The following OR2C1 variants were observed in gnomAD, a reference collection of about 807,000 sequenced individuals.
OR2C1 encodes olfactory receptor family 2 subfamily C member 1.
For missense variants in OR2C1, 468 were observed against 388.3 expected (o/e 1.21, Z -1.73); for synonymous variants, 209 against 167.3 (o/e 1.25, Z -1.92).
chr16:3,333,627 G>T, the OR2C1 span, among the ~76,000 whole-genome samples: 1 of 152,158 alleles, frequency 6.6e-6, no homozygotes, highest in African/African-American at 2.4e-5. Context: ...GGGCCACTGT[G>T]CCCAGCCAAG....
At chr16:3,329,737 C>G in the OR2C1 span, among the ~76,000 whole-genome samples, 1 of 138,662 alleles carries the variant, frequency 7.2e-6, no homozygotes, top group African/African-American at 2.7e-5. Context: ...GCGTGAGCCA[C>G]GGCGCCCGGC....
chr16:3,334,912 G>C, the OR2C1 span, among the ~76,000 whole-genome samples: 2 of 151,484 alleles, frequency 1.3e-5, no homozygotes, highest in Non-Finnish European at 1.5e-5. Flanking sequence ...TCCGCCTCCC[G>C]AGTTCAAGTG....
At chr16:3,329,776 G>T in the OR2C1 span, among the ~76,000 whole-genome samples, 3 of 56,798 alleles carry the variant, frequency 5.3e-5, no homozygotes, top group African/African-American at 1.6e-4. Context: ...TTTTTTTGAG[G>T]TGGAGTCTCA....
chr16:3,328,983 A>C, the OR2C1 span, among the ~76,000 whole-genome samples: 19 of 97,268 alleles, frequency 2.0e-4, no homozygotes, highest in Non-Finnish European at 3.1e-4. Flanking sequence ...TGGGTGGACT[A>C]GGAAAATTAA....
At chr16:3,340,484 A>G in the OR2C1 span, among the ~76,000 whole-genome samples, 872 of 152,200 alleles carry the variant, frequency 5.7e-3, 7 homozygotes, top group African/African-American at 0.02. Context: ...CAATTTATGT[A>G]TTCTTTATTT....
the OR2C1 span, among the ~76,000 whole-genome samples, chr16:3,334,461 A>G: frequency 1.0e-4 from 15 of 150,256 alleles, no homozygotes; most frequent in South Asian, 3.2e-3. Flanking sequence ...AAGTTTTTGT[A>G]CAGACAGGGT....
At chr16:3,341,835 A>T in the OR2C1 span, among the ~76,000 whole-genome samples, 1 of 152,176 alleles carries the variant, frequency 6.6e-6, no homozygotes, top group Non-Finnish European at 1.5e-5. Context: ...TTAGCTCCGT[A>T]TTCAGCTCCT....
At chr16:3,335,896 G>A in the OR2C1 span, among the ~76,000 whole-genome samples, 2 of 152,004 alleles carry the variant, frequency 1.3e-5, no homozygotes, top group Admixed American at 1.3e-4. Flanking sequence ...TTCTAATTTG[G>A]AAGCCCTTTA....
Position 3,356,681 on chromosome 16 carries a change from G to T in OR2C1, c.741G>T (p.Val247=), listed in dbSNP as rs1465994061. 8.1e-6 allele frequency: 13 copies of T among 1,614,172 alleles called. No individual in the cohort carries two copies. Among genetic ancestry groups the T allele is most frequent in the South Asian group, 3.3e-5 (3 of 91,086 alleles). Residue 247 remains valine (V), a synonymous_variant, in exon 1 of 1, where the codon GTG becomes GTT. Coordinates refer to ENST00000304936, the MANE Select transcript of OR2C1 (RefSeq NM_012368.3). ...AFNTCLSHLL[V]VFLFYGSASY... ...ATACGTGCCTCTCCCATCTGCTGGT[G>T]GTGTTCCTCTTCTATGGCTCAGCCA... is the stretch of plus-strand genomic sequence containing the variant.
the OR2C1 span, among the ~76,000 whole-genome samples, chr16:3,346,778 C>T: frequency 2.9e-3 from 443 of 151,190 alleles, 2 homozygotes; most frequent in Non-Finnish European, 5.3e-3. Flanking sequence ...TACAGACACC[C>T]GCCACCACGC....
At chr16:3,340,677 C>T in the OR2C1 span, among the ~76,000 whole-genome samples, 2 of 152,154 alleles carry the variant, frequency 1.3e-5, no homozygotes, top group Non-Finnish European at 2.9e-5. Context: ...ACAGTTGTCT[C>T]AGCAGCATTT....
At chr16:3,333,210 C>CTTTTTTTTTTTTTTTTTTTTTTTTT in the OR2C1 span, among the ~76,000 whole-genome samples, 1 of 33,030 alleles carries the variant, frequency 3.0e-5, no homozygotes, top group Non-Finnish European at 6.7e-5. Flanking sequence ...ATCTTTTGCC[C>CTTTTTTTTTTTTTTTTTTTTTTTTT]ATTTTTTTTT....
chr16:3,339,617 C>T, the OR2C1 span, among the ~76,000 whole-genome samples: 2 of 152,008 alleles, frequency 1.3e-5, no homozygotes, highest in East Asian at 1.9e-4. Context: ...CCACTATGCC[C>T]GGCTAATTTT....
At chr16:3,344,096 C>G in the OR2C1 span, among the ~76,000 whole-genome samples, 15 of 151,984 alleles carry the variant, frequency 9.9e-5, no homozygotes, top group African/African-American at 3.4e-4. Flanking sequence ...TGGCGTGCAC[C>G]TGTAATTCCA....
chr16:3,355,866 C>A, upstream of OR2C1: 1 of 1,084,934 alleles, frequency 9.2e-7, no homozygotes, highest in Non-Finnish European at 1.3e-6. Context: ...CCACCTCATC[C>A]AACAGCTTTT....
In OR2C1 at chr16:3,356,875, G is replaced by A. The variant is rs76665328; in HGVS notation, c.935G>A (p.Gly312Asp). Residue 312 changes from glycine to aspartate, a missense_variant, in exon 1 of 1, where the codon GGC (glycine) becomes GAC (aspartate). By Grantham distance (94) the Gly-to-Asp change is moderately conservative. Transcript: ENST00000304936. ...TTGCTGGGGAAAGGAAGAGAAGTTG[G>A]CTGAGAGAACACTCCTTCGTTATTT... ...RRLLGKGREV[G>D] The A allele has an allele frequency of 1.6e-3, 2,568 of 1,580,548 alleles. 40 individuals are homozygous for A. In the African/African-American group the frequency reaches 0.031, roughly 19 times the overall value.
the OR2C1 span, among the ~76,000 whole-genome samples, chr16:3,339,463 CT>C: frequency 6.6e-6 from 1 of 152,022 alleles, no homozygotes; most frequent in Non-Finnish European, 1.5e-5. Flanking sequence ...AACCATTTTA[CT>C]TTTTGTTTTT....
the OR2C1 span, among the ~76,000 whole-genome samples, chr16:3,328,309 T>C: frequency 6.6e-6 from 1 of 152,262 alleles, no homozygotes; most frequent in Non-Finnish European, 1.5e-5. Flanking sequence ...CCTCGTGCCA[T>C]AAGCTACTGT....
chr16:3,333,118 C>A, the OR2C1 span, among the ~76,000 whole-genome samples: 1 of 147,118 alleles, frequency 6.8e-6, no homozygotes, highest in African/African-American at 2.5e-5. Context: ...ATTTGCATTT[C>A]TCTGATGATT....
Sources: gnomAD v4.1 joint callset for allele counts (sites outside exome capture counted in the v4.1 genomes callset) on GRCh38, gnomAD v4.1.1 for gene constraint, MANE v1.5 for transcripts, NCBI Gene and HGNC (gene_info 2026-07-23, HGNC 2026-07-21) for gene names.